MEOX1: variants seen among roughly 807,000 people sequenced by gnomAD.
The protein encoded by MEOX1 is homeobox protein MOX-1.
Under a neutral mutation model 23.2 loss-of-function variants are expected in MEOX1, and 17 were observed. That is an observed-to-expected ratio of 0.73 (90% CI 0.50 to 1.10). MEOX1 has a LOEUF of 1.10. Ranked by LOEUF, MEOX1 falls within the 50% of genes least tolerant of loss-of-function variation. The pLI, the probability that MEOX1 is intolerant of heterozygous loss-of-function variation, is 0.00. For missense variants in MEOX1, 333 were observed against 332.2 expected (o/e 1.00, Z -0.02); for synonymous variants, 134 against 135.1 (o/e 0.99, Z 0.06).
chr17:43,647,554 G>A lies in MEOX1; in HGVS notation c.470-3894C>T, dbSNP rs113855959. 3.0e-3 allele frequency among the ~76,000 whole-genome samples: 459 copies of A among 152,244 alleles called. 3 individuals carry two copies. The highest frequency in any genetic ancestry group is 5.0e-3 in the Non-Finnish European group (341 of 68,008). On this transcript the variant is annotated intron_variant, in intron 1 of 2. Coordinates refer to ENST00000318579, the MANE Select transcript of MEOX1 (RefSeq NM_004527.4). ...CCTGGAGCTGGACCATGGCAGCTGG[G>A]CTTGTCACCCCTTCCAGAGGTCCTG...
At chr17:43,656,634 A>G (rs932120518) in intron 1 of MEOX1, among the ~76,000 whole-genome samples, 1 of 152,142 alleles carries the variant, frequency 6.6e-6, no homozygotes, top group Non-Finnish European at 1.5e-5. Context: ...CAGAGTGAGG[A>G]CGTGAGAGCA....
intron 1 of MEOX1, among the ~76,000 whole-genome samples, chr17:43,652,682 C>G (rs1451266392): frequency 1.3e-5 from 2 of 152,080 alleles, no homozygotes; most frequent in South Asian, 2.1e-4. Flanking sequence ...CTCTGACCAC[C>G]CTTCCTCCTA....
intron 1 of MEOX1, among the ~76,000 whole-genome samples, chr17:43,657,042 C>CTTTCTTTCTTTCTTTCTTTCTTTCTT (rs1555567845): frequency 5.1e-5 from 7 of 136,662 alleles, no homozygotes; most frequent in Non-Finnish European, 7.9e-5. Context: ...TTCTTTCTTT[C>CTTTCTTTCTTTCTTTCTTTCTTTCTT]TTTCTTTCTT....
chr17:43,659,222 AGCCAC>A (rs1973096293), intron 1 of MEOX1, among the ~76,000 whole-genome samples: 1 of 152,238 alleles, frequency 6.6e-6, no homozygotes, highest in Non-Finnish European at 1.5e-5. Flanking sequence ...GAGAGGAAGG[AGCCAC>A]AGTGCTGCGT....
intron 1 of MEOX1, among the ~76,000 whole-genome samples, chr17:43,649,348 A>C (rs1972871952): frequency 8.2e-6 from 1 of 121,882 alleles, no homozygotes; most frequent in Non-Finnish European, 1.6e-5. Context: ...CCCAGGCTGG[A>C]GATTGGTCAC....
chr17:43,649,864 G>GAA (rs1598263016), intron 1 of MEOX1, among the ~76,000 whole-genome samples: 1 of 152,240 alleles, frequency 6.6e-6, no homozygotes, highest in African/African-American at 2.4e-5. Flanking sequence ...AATGCCCAGA[G>GAA]AAATGCAAAC....
intron 1 of MEOX1, among the ~76,000 whole-genome samples, chr17:43,651,462 C>A (rs1972915271): frequency 6.6e-6 from 1 of 152,102 alleles, no homozygotes; most frequent in South Asian, 2.1e-4. Context: ...ATATGTCACC[C>A]TCAGCTGTCA....
At chr17:43,659,361 T>C (rs113149437) in intron 1 of MEOX1, among the ~76,000 whole-genome samples, 4,847 of 152,266 alleles carry the variant, frequency 0.032, 131 homozygotes, top group Non-Finnish European at 0.045. Flanking sequence ...GGGATCTAAC[T>C]GGCTGGCGGT....
chr17:43,642,164 C>G lies in MEOX1; in HGVS notation c.643-132G>C, dbSNP rs1231328066. 1.1e-5 allele frequency: 10 copies of G among 903,494 alleles called. No individual in the cohort carries two copies. The Admixed American group carries it at 2.7e-4, about 25-fold the overall frequency. 56.0% of individuals were successfully genotyped at this position (903,494 alleles called of 1,614,324 possible). On this transcript the variant is annotated intron_variant, in intron 2 of 2. Transcript: ENST00000318579. Reference sequence around the variant, plus strand: ...AACCATCACTTACCACTCCCTACTCCCTCAAAGGCCCCAGGAACTAGGACC... The same window carrying G: ...AACCATCACTTACCACTCCCTACTCGCTCAAAGGCCCCAGGAACTAGGACC...
chr17:43,653,721 G>C (rs1268254637), intron 1 of MEOX1, among the ~76,000 whole-genome samples: 1 of 149,672 alleles, frequency 6.7e-6, no homozygotes, highest in Non-Finnish European at 1.5e-5. Flanking sequence ...TTTTGGCCAG[G>C]ATGGTTTTGA....
At position 43,661,404 on chromosome 17, in the gene MEOX1, G is replaced by A. The variant is rs1226177326; in HGVS notation, c.131C>T (p.Ser44Phe). 6.5e-7 allele frequency: 1 copy of A among 1,549,604 alleles called. No individual in the cohort carries two copies. Among genetic ancestry groups the A allele is most frequent in the South Asian group, 1.1e-5 (1 of 90,136 alleles). The change falls in exon 1 of 3, where the codon TCC becomes TTC. Residue 44 changes from serine to phenylalanine, a missense_variant. Coordinates refer to ENST00000318579, the MANE Select transcript of MEOX1 (RefSeq NM_004527.4). ...GLPHYPPTPF[S>F]FHQKPDFLAT... ...CAGGAAGTCTGGTTTCTGGTGGAAG[G>A]AGAACGGGGTGGGCGGGTAGTGGGG...
intron 1 of MEOX1, among the ~76,000 whole-genome samples, chr17:43,646,776 G>T (rs1351736388): frequency 1.3e-5 from 2 of 152,146 alleles, no homozygotes; most frequent in African/African-American, 4.8e-5. Context: ...GGGAGTTCGC[G>T]ACCAGCCTGA....
At chr17:43,660,859 G>A (rs1567749926) in intron 1 of MEOX1, among the ~76,000 whole-genome samples, 1 of 152,130 alleles carries the variant, frequency 6.6e-6, no homozygotes, top group African/African-American at 2.4e-5. Context: ...CTGGGGCCCA[G>A]GAGTGCTGGG....
intron 1 of MEOX1, among the ~76,000 whole-genome samples, chr17:43,655,589 C>T (rs1973000608): frequency 1.4e-5 from 2 of 147,822 alleles, no homozygotes; most frequent in Non-Finnish European, 3.0e-5. Flanking sequence ...TTTGGGAGGC[C>T]AAGGTGGGAG....
intron 1 of MEOX1, 37 bp downstream of exon 1, chr17:43,661,029 C>T (rs779459269): frequency 7.4e-7 from 1 of 1,347,808 alleles, no homozygotes; most frequent in Non-Finnish European, 1.0e-6. Flanking sequence ...CAGGGTCACA[C>T]AGTAAAGGAA....
At position 43,640,840 on chromosome 17, in the gene MEOX1, A is replaced by G. The variant is rs1972679233; in HGVS notation, c.*1070T>C. 6.6e-6 allele frequency: 1 copy of G among 152,156 alleles called. No homozygotes were observed. The highest frequency in any genetic ancestry group is 6.6e-5 in the Admixed American group (1 of 15,260). 9.4% of individuals were successfully genotyped at this position (152,156 alleles called of 1,614,324 possible). On this transcript the variant is annotated 3_prime_UTR_variant, in exon 3 of 3. Coordinates refer to ENST00000318579, the MANE Select transcript of MEOX1 (RefSeq NM_004527.4). ...CACAGCAAGAGCTTAAATCCATCCC[A>G]TGGAGGAAGAGGGATTTTCTTGTCC...
At chr17:43,660,562 G>A (rs1973116857) in intron 1 of MEOX1, among the ~76,000 whole-genome samples, 1 of 152,174 alleles carries the variant, frequency 6.6e-6, no homozygotes, top group Non-Finnish European at 1.5e-5. Context: ...TCTGCCTCTA[G>A]GCTCCTGGAC....
chr17:43,658,291 G>A (rs980865982), intron 1 of MEOX1, among the ~76,000 whole-genome samples: 38 of 152,184 alleles, frequency 2.5e-4, no homozygotes, highest in African/African-American at 9.2e-4. Flanking sequence ...GGCTGATCAC[G>A]AGGTCAGGAG....
At chr17:43,654,780 C>T (rs928900432) in intron 1 of MEOX1, among the ~76,000 whole-genome samples, 1 of 152,032 alleles carries the variant, frequency 6.6e-6, no homozygotes, top group Non-Finnish European at 1.5e-5. Flanking sequence ...CAGCCGGGTG[C>T]AGTGACTCAC....
Sources: allele counts gnomAD v4.1 joint callset (sites outside exome capture counted in the v4.1 genomes callset), GRCh38; gene constraint gnomAD v4.1.1; transcripts MANE v1.5; gene names NCBI Gene and HGNC (gene_info 2026-07-23, HGNC 2026-07-21).